The following GNG12 variants were observed in gnomAD, a reference collection of about 807,000 sequenced individuals.
GNG12 encodes G protein subunit gamma 12, also known as guanine nucleotide-binding protein G(I)/G(S)/G(O) subunit gamma-12.
For synonymous variants in GNG12, 28 were observed against 29.7 expected (o/e 0.94, Z 0.19); for missense variants, 69 against 83.8 (o/e 0.82, Z 0.69).
rs562118498 is a variant in GNG12, at chr1:67,779,191, T to A, written c.-76-1684A>T. Among the ~76,000 whole-genome samples the A allele has an allele frequency of 4.1e-4, 63 of 152,290 alleles. No homozygotes were observed. In the South Asian group the frequency reaches 0.013, roughly 31 times the overall value. On this transcript the variant is annotated intron_variant, in intron 1 of 3. Coordinates refer to ENST00000370982, the MANE Select transcript of GNG12 (RefSeq NM_018841.6). ...GGGTAGGGAGTTAGAAAGAATCAAGTAAAAGAATTAAGAAAACACATCTTT... is the reference window on the plus strand; with the variant it reads ...GGGTAGGGAGTTAGAAAGAATCAAGAAAAAGAATTAAGAAAACACATCTTT...
At position 67,702,161 on chromosome 1, in the gene GNG12, TAA is replaced by T. The variant is rs1223286024; in HGVS notation, c.*3288_*3289del. On this transcript the variant is annotated 3_prime_UTR_variant, in exon 4 of 4. Transcript: ENST00000370982. ...AGTGCTCTATTTTAACATACAGATA[TAA>T]GATTCTATTTGATTTGATGTATTTT... The T allele has an allele frequency of 2.0e-5, 3 of 152,216 alleles. No homozygotes were observed. The highest frequency in any genetic ancestry group is 4.4e-5 in the Non-Finnish European group (3 of 68,042). 9.4% of individuals were successfully genotyped at this position (152,216 alleles called of 1,614,324 possible).
At chr1:67,793,556 A>T (rs1646813270) in intron 1 of GNG12, among the ~76,000 whole-genome samples, 2 of 152,096 alleles carry the variant, frequency 1.3e-5, no homozygotes, top group South Asian at 4.1e-4. Flanking sequence ...TTAAACTACA[A>T]ATCTGGCCTC....
At chr1:67,809,376 T>C (rs1418067916) in intron 1 of GNG12, among the ~76,000 whole-genome samples, 1 of 152,152 alleles carries the variant, frequency 6.6e-6, no homozygotes, top group African/African-American at 2.4e-5. Context: ...ACCAAGGGTA[T>C]GGCAATGGCT....
chr1:67,769,930 AC>A (rs1262851300), intron 2 of GNG12, among the ~76,000 whole-genome samples: 2 of 152,090 alleles, frequency 1.3e-5, no homozygotes, highest in Admixed American at 1.3e-4. Context: ...CTTTCCAACA[AC>A]TCCAACTTAG....
intron 1 of GNG12, among the ~76,000 whole-genome samples, chr1:67,831,009 C>T (rs1420523723): frequency 6.6e-6 from 1 of 152,178 alleles, no homozygotes; most frequent in Non-Finnish European, 1.5e-5. Context: ...CCATTATTAT[C>T]CCCATCTTAT....
chr1:67,733,302 A>G (rs1401143180), intron 2 of GNG12, among the ~76,000 whole-genome samples: 1 of 152,146 alleles, frequency 6.6e-6, no homozygotes, highest in Non-Finnish European at 1.5e-5. Context: ...AACTATATGC[A>G]TGTGTATAGA....
At chr1:67,724,837 T>G (rs1288725887) in intron 2 of GNG12, among the ~76,000 whole-genome samples, 1 of 152,218 alleles carries the variant, frequency 6.6e-6, no homozygotes, top group Non-Finnish European at 1.5e-5. Flanking sequence ...CTTCAACAAT[T>G]AAACTGCATG....
At chr1:67,778,766 C>T (rs1019264501) in intron 1 of GNG12, among the ~76,000 whole-genome samples, 5 of 152,230 alleles carry the variant, frequency 3.3e-5, no homozygotes, top group Non-Finnish European at 7.4e-5. Context: ...TGCTTTTACC[C>T]ACCACCCTCT....
chr1:67,803,220 T>C (rs1254575367), intron 1 of GNG12, among the ~76,000 whole-genome samples: 1 of 134,396 alleles, frequency 7.4e-6, no homozygotes, highest in East Asian at 2.4e-4. Context: ...AAATTTTAAT[T>C]TAAAGTTAGT....
intron 2 of GNG12, among the ~76,000 whole-genome samples, chr1:67,736,095 G>A (rs1446226525): frequency 6.6e-6 from 1 of 152,072 alleles, no homozygotes; most frequent in African/African-American, 2.4e-5. Context: ...GCATCAACAG[G>A]ATGTCTTCCT....
chr1:67,727,397 A>G (rs781524880), intron 2 of GNG12, among the ~76,000 whole-genome samples: 29 of 152,388 alleles, frequency 1.9e-4, no homozygotes, highest in Admixed American at 4.6e-4. Context: ...AATGTAAGTC[A>G]AAATAAATGA....
intron 1 of GNG12, among the ~76,000 whole-genome samples, chr1:67,820,153 C>T (rs1482372076): frequency 6.6e-6 from 1 of 151,582 alleles, no homozygotes; most frequent in Non-Finnish European, 1.5e-5. Context: ...CTTTGGGAGG[C>T]CGAGGTGGGC....
At position 67,746,145 on chromosome 1, in the gene GNG12, CAG is replaced by C. The variant is rs1223424342; in HGVS notation, c.-27+31311_-27+31312del. Among the ~76,000 whole-genome samples, 4 of 152,080 alleles carry C rather than the reference CAG, an allele frequency of 2.6e-5. No homozygotes were observed. The East Asian group carries it at 7.7e-4, about 29-fold the overall frequency. On this transcript the variant is annotated intron_variant, in intron 2 of 3. Coordinates refer to ENST00000370982, the MANE Select transcript of GNG12 (RefSeq NM_018841.6). ...GGAGGTGGTTTGGGTGGAGAAATGG[CAG>C]AGTTAAGATACTATAAAGTTGTTAA...
intron 2 of GNG12, among the ~76,000 whole-genome samples, chr1:67,729,098 A>T (rs143533589): frequency 5.9e-5 from 9 of 152,278 alleles, no homozygotes; most frequent in Non-Finnish European, 1.3e-4. Flanking sequence ...CGTTCTTCAC[A>T]TTTCTGACAG....
At chr1:67,721,514 C>G (rs1646356116) in intron 2 of GNG12, among the ~76,000 whole-genome samples, 1 of 152,106 alleles carries the variant, frequency 6.6e-6, no homozygotes, top group Non-Finnish European at 1.5e-5. Flanking sequence ...AGGACCACCC[C>G]ACTAGAAGGA....
At chr1:67,766,373 T>C (rs1646639671) in intron 2 of GNG12, among the ~76,000 whole-genome samples, 1 of 138,998 alleles carries the variant, frequency 7.2e-6, no homozygotes, top group Non-Finnish European at 1.7e-5. Context: ...GATATTCACA[T>C]ACAAAGGGGT....
intron 2 of GNG12, among the ~76,000 whole-genome samples, chr1:67,751,725 G>A (rs1557605143): frequency 6.6e-6 from 1 of 152,200 alleles, no homozygotes; most frequent in Admixed American, 6.5e-5. Context: ...TTCCAGCATG[G>A]CTTGTGAGAC....
At chr1:67,829,181 G>A (rs558895360) in intron 1 of GNG12, among the ~76,000 whole-genome samples, 1 of 152,040 alleles carries the variant, frequency 6.6e-6, no homozygotes, top group African/African-American at 2.4e-5. Context: ...CTTTTCTTAT[G>A]GTTTAAAAAT....
At chr1:67,820,502 C>T (rs1035568546) in intron 1 of GNG12, among the ~76,000 whole-genome samples, 4 of 152,128 alleles carry the variant, frequency 2.6e-5, no homozygotes, top group African/African-American at 4.8e-5. Context: ...CAACACAGGG[C>T]AGTGTCTCCT....
Sources: allele counts gnomAD v4.1 joint callset (sites outside exome capture counted in the v4.1 genomes callset), GRCh38; gene constraint gnomAD v4.1.1; transcripts MANE v1.5; gene names NCBI Gene and HGNC (gene_info 2026-07-23, HGNC 2026-07-21).